SLC26A2: variants seen among roughly 807,000 people sequenced by gnomAD.
The protein encoded by SLC26A2 is solute carrier family 26 member 2, also known as sulfate transporter.
SLC26A2 carries 36 observed loss-of-function variants against 41.1 expected under a neutral mutation model. The observed-to-expected ratio is 0.88, with a 90% CI of 0.67 to 1.16. The LOEUF is 1.16. SLC26A2 is among the 50% of genes most tolerant of loss of function. SLC26A2 has a pLI of 0.00. For synonymous variants in SLC26A2, 291 were observed against 311.6 expected (o/e 0.93, Z 0.70); for missense variants, 796 against 869.6 (o/e 0.92, Z 1.07).
intron 1 of SLC26A2, among the ~76,000 whole-genome samples, chr5:149,969,127 T>A (rs1232546210): frequency 6.6e-6 from 1 of 152,196 alleles, no homozygotes; most frequent in Non-Finnish European, 1.5e-5. Flanking sequence ...TAAAATAACT[T>A]TTTAAAATAA....
intron 1 of SLC26A2, among the ~76,000 whole-genome samples, chr5:149,964,620 A>G (rs1436454835): frequency 3.9e-5 from 6 of 152,066 alleles, no homozygotes; most frequent in African/African-American, 1.4e-4. Flanking sequence ...TACTAAAAAT[A>G]CAAAAAATTA....
intron 1 of SLC26A2, among the ~76,000 whole-genome samples, chr5:149,973,315 AT>A (rs1232393825): frequency 6.6e-6 from 1 of 152,156 alleles, no homozygotes; most frequent in Non-Finnish European, 1.5e-5. Context: ...GCAATTAAAC[AT>A]TTTTTAATTG....
intron 1 of SLC26A2, among the ~76,000 whole-genome samples, chr5:149,974,328 A>G (rs1016877053): frequency 2.6e-5 from 4 of 151,640 alleles, no homozygotes; most frequent in African/African-American, 7.3e-5. Flanking sequence ...CTTGAATATC[A>G]TATGTGTAGG....
chr5:149,971,169 T>G (rs771439772), intron 1 of SLC26A2, among the ~76,000 whole-genome samples: 2 of 152,208 alleles, frequency 1.3e-5, no homozygotes, highest in Non-Finnish European at 2.9e-5. Context: ...TATTAACTTC[T>G]CAGTCTAGGG....
intron 1 of SLC26A2, 78 bp downstream of exon 1, chr5:149,961,057 G>C (rs1314396301): frequency 6.6e-6 from 1 of 152,374 alleles, no homozygotes; most frequent in Non-Finnish European, 1.5e-5. Context: ...CCCTCCCAGA[G>C]TCATTCTGCC....
In SLC26A2 at chr5:149,983,631, G is replaced by A. The variant is rs186726602; in HGVS notation, c.*1818G>A. 1 of 152,186 alleles carries A rather than the reference G, an allele frequency of 6.6e-6. No homozygotes were observed. Among genetic ancestry groups the A allele is most frequent in the East Asian group, 1.9e-4 (1 of 5,186 alleles). 9.4% of individuals were successfully genotyped at this position (152,186 alleles called of 1,614,324 possible). ...TTAAGAGACAGTCATCCAGGCCAGA[G>A]TGCAGTTTGATGATAGCTTACTGAA... On this transcript the variant is annotated 3_prime_UTR_variant, in exon 3 of 3. Coordinates refer to ENST00000286298, the MANE Select transcript of SLC26A2 (RefSeq NM_000112.4).
intron 1 of SLC26A2, among the ~76,000 whole-genome samples, chr5:149,971,073 T>C (rs1754891209): frequency 6.6e-6 from 1 of 152,228 alleles, no homozygotes; most frequent in South Asian, 2.1e-4. Context: ...AAGCATGGGT[T>C]GCAGGCCCAT....
At chr5:149,970,418 G>A (rs1754881256) in intron 1 of SLC26A2, among the ~76,000 whole-genome samples, 1 of 152,144 alleles carries the variant, frequency 6.6e-6, no homozygotes, top group Non-Finnish European at 1.5e-5. Context: ...GGCTGAGGTG[G>A]GAGGATTGCT....
chr5:149,980,450 T>A lies in SLC26A2; in HGVS notation c.857T>A (p.Leu286His), dbSNP rs1435230462. 2 of 1,614,022 alleles carry A rather than the reference T, an allele frequency of 1.2e-6. No individual in the cohort carries two copies. The highest frequency in any genetic ancestry group is 1.7e-6 in the Non-Finnish European group (2 of 1,180,014). ...NLPRTNGVGS[L>H]ITTWIHVFRN... ...CCTCGGACTAATGGTGTGGGCTCAC[T>A]CATCACTACCTGGATACATGTCTTC... The change falls in exon 3 of 3, where the codon CTC becomes CAC. Residue 286 changes from leucine (L) to histidine (H), a missense_variant. Transcript: ENST00000286298.
chr5:149,984,409 C>T lies in SLC26A2; in HGVS notation c.*2596C>T, dbSNP rs1755158216. On this transcript the variant is annotated 3_prime_UTR_variant, in exon 3 of 3. Coordinates refer to ENST00000286298, the MANE Select transcript of SLC26A2 (RefSeq NM_000112.4). ...GTGCAGTGGCTCATGCCTGTAATCC[C>T]AGCACGTTGGGAGGCCGAGGCGGGT... The T allele has an allele frequency of 6.6e-6, 1 of 152,238 alleles. No homozygotes were observed. Among genetic ancestry groups the T allele is most frequent in the African/African-American group, 2.4e-5 (1 of 41,470 alleles). The allele number at this position is 152,238 out of a possible 1,614,324, so 9.4% of individuals were successfully genotyped here.
At chr5:149,965,247 C>T (rs952879447) in intron 1 of SLC26A2, among the ~76,000 whole-genome samples, 1 of 152,154 alleles carries the variant, frequency 6.6e-6, no homozygotes, top group Admixed American at 6.5e-5. Flanking sequence ...CTTTGGGAGG[C>T]CGAGGCAGGC....
At position 149,981,578 on chromosome 5, in the gene SLC26A2, C is replaced by T. The variant is rs887084389; in HGVS notation, c.1985C>T (p.Ala662Val). The change falls in exon 3 of 3, where the codon GCA becomes GTA. Residue 662 changes from alanine to valine, a missense_variant. By Grantham distance (64) the Ala-to-Val change is moderately conservative. Coordinates refer to ENST00000286298, the MANE Select transcript of SLC26A2 (RefSeq NM_000112.4). ...AGTGCAATTCAATTTTTAGATACAG[C>T]AGGGATCCACACACTGAAAGAAGTT... Reference protein sequence around the residue: ...DCSAIQFLDTAGIHTLKEVRR... With the variant: ...DCSAIQFLDTVGIHTLKEVRR... 6.2e-7 allele frequency: 1 copy of T among 1,614,036 alleles called. No homozygotes were observed. The highest frequency in any genetic ancestry group is 1.1e-5 in the South Asian group (1 of 91,076).
Position 149,964,790 on chromosome 5 carries a change from TA to T in SLC26A2, c.-26+3821del, listed in dbSNP as rs961568194. On this transcript the variant is annotated intron_variant, in intron 1 of 2. Coordinates refer to ENST00000286298, the MANE Select transcript of SLC26A2 (RefSeq NM_000112.4). ...AGACTCTGTCTCAAAAATAAAAAAT[TA>T]AAAAAAAAATGTAGGTTCAATATTA... Among the ~76,000 whole-genome samples, 225 of 149,530 alleles carry T rather than the reference TA, an allele frequency of 1.5e-3. 1 individual carries two copies. The highest frequency in any genetic ancestry group is 4.1e-3 in the African/African-American group (168 of 40,772).
intron 1 of SLC26A2, among the ~76,000 whole-genome samples, chr5:149,973,636 CAT>C (rs1434011676): frequency 6.6e-6 from 1 of 151,734 alleles, no homozygotes; most frequent in Non-Finnish European, 1.5e-5. Flanking sequence ...ATTTCTTTTT[CAT>C]ATTTTATTTT....
rs199635266 is a variant in SLC26A2 at position 149,980,490 on chromosome 5, G to T, written c.897G>T (p.Lys299Asn). The change falls in exon 3 of 3, where the codon AAG (lysine) becomes AAT (asparagine). Residue 299 changes from lysine to asparagine, a missense_variant. Transcript: ENST00000286298. ...TACATGTCTTCAGAAACATCCATAA[G>T]ACCAATCTCTGTGATCTTATCACCA... ...TWIHVFRNIH[K>N]TNLCDLITSL... 1.9e-6 allele frequency: 3 copies of T among 1,614,108 alleles called. No individual in the cohort carries two copies. Among genetic ancestry groups the T allele is most frequent in the Non-Finnish European group, 2.5e-6 (3 of 1,180,006 alleles).
rs1349031095 is a variant in SLC26A2, at chr5:149,984,144, G to A, written c.*2331G>A. 6.6e-6 allele frequency: 1 copy of A among 152,150 alleles called. No individual in the cohort carries two copies. The highest frequency in any genetic ancestry group is 2.4e-5 in the African/African-American group (1 of 41,428). 9.4% of individuals were successfully genotyped at this position (152,150 alleles called of 1,614,324 possible). A position where few individuals can be genotyped will look rare whatever the true frequency, so the allele number is the denominator to read the frequency against. On this transcript the variant is annotated 3_prime_UTR_variant, in exon 3 of 3. Transcript: ENST00000286298. ...CTGGAACGTTATGCATGCAGTTAGC[G>A]AATCCTTGAATTATGTTCTGGTTTG... is the stretch of plus-strand genomic sequence containing the variant.
chr5:149,968,639 C>G (rs1002998312), intron 1 of SLC26A2, among the ~76,000 whole-genome samples: 1 of 147,800 alleles, frequency 6.8e-6, no homozygotes, highest in African/African-American at 2.5e-5. Flanking sequence ...CCAGGATGGT[C>G]TTGATCTCCT....
At chr5:149,963,937 AG>A (rs1275876325) in intron 1 of SLC26A2, among the ~76,000 whole-genome samples, 1 of 151,808 alleles carries the variant, frequency 6.6e-6, no homozygotes, top group Non-Finnish European at 1.5e-5. Context: ...GTGTCATTTG[AG>A]GTTGGGCAAT....
At chr5:149,971,482 C>T (rs183103244) in intron 1 of SLC26A2, among the ~76,000 whole-genome samples, 2 of 152,326 alleles carry the variant, frequency 1.3e-5, no homozygotes, top group East Asian at 1.9e-4. Flanking sequence ...TCACTTCAGC[C>T]TCCACCTCCC....
Sources: allele counts gnomAD v4.1 joint callset (sites outside exome capture counted in the v4.1 genomes callset), GRCh38; gene constraint gnomAD v4.1.1; transcripts MANE v1.5; gene names NCBI Gene and HGNC (gene_info 2026-07-23, HGNC 2026-07-21).